Variants in SP1 observed in about 807,000 individuals in gnomAD.
SP1 encodes transcription factor Sp1.
SP1 carries 6 observed loss-of-function variants against 66.3 expected under a neutral mutation model. That is an observed-to-expected ratio of 0.09 (90% confidence interval 0.05 to 0.18). The LOEUF (loss-of-function observed/expected upper bound fraction) is 0.18, where lower values mean the gene tolerates loss of function less well. Ranked by LOEUF, SP1 falls within the 10% of genes least tolerant of loss-of-function variation. The probability of loss-of-function intolerance (pLI) is 1.00; values close to 1 mark genes in which losing one functional copy is unlikely to be tolerated. For missense variants in SP1, 848 were observed against 964.5 expected (o/e 0.88, Z 1.60); for synonymous variants, 417 against 360.8 (o/e 1.16, Z -1.77).
intron 3 of SP1, among the ~76,000 whole-genome samples, chr12:53,406,065 C>CTTTTTTTTTTTTTT (rs1170832065): frequency 2.4e-5 from 2 of 82,412 alleles, no homozygotes; most frequent in Non-Finnish European, 5.0e-5. Flanking sequence ...TATTTTCTTT[C>CTTTTTTTTTTTTTT]TTTTTTTTTT....
chr12:53,383,196 G>A lies in SP1; in HGVS notation c.1249G>A (p.Ala417Thr), dbSNP rs764962130. ...QGGQALQALQ[A>T]APLSGQTFTT... ...GGGACAGGCCCTCCAGGCCCTCCAA[G>A]CAGCACCATTGTCAGGGCAGACCTT... is the stretch of plus-strand genomic sequence containing the variant. Residue 417 changes from alanine (A) to threonine (T), a missense_variant, in exon 3 of 6, where the codon GCA becomes ACA. By Grantham distance (58) the Ala-to-Thr change is moderately conservative. This residue lies in a region of SP1 where 606 missense variants were observed against 589.9 expected (regional missense o/e 1.03). Coordinates refer to ENST00000327443, the MANE Select transcript of SP1 (RefSeq NM_138473.3). 4.3e-6 allele frequency: 7 copies of A among 1,614,096 alleles called. No homozygotes were observed. In the Admixed American group the frequency reaches 1.2e-4, roughly 27 times the overall value.
At chr12:53,402,891 G>A (rs1325838043) in intron 3 of SP1, among the ~76,000 whole-genome samples, 4 of 151,770 alleles carry the variant, frequency 2.6e-5, no homozygotes, top group African/African-American at 9.7e-5. Context: ...GAGAATCACT[G>A]GAACCTGGGA....
intron 3 of SP1, among the ~76,000 whole-genome samples, chr12:53,402,513 C>T (rs1184450519): frequency 2.0e-5 from 3 of 151,348 alleles, no homozygotes; most frequent in Non-Finnish European, 4.4e-5. Flanking sequence ...TGAGCCGTTG[C>T]GCCCGGCCTG....
intron 4 of SP1, among the ~76,000 whole-genome samples, chr12:53,408,179 G>A (rs1463159488): frequency 2.8e-5 from 4 of 142,622 alleles, no homozygotes; most frequent in Non-Finnish European, 6.1e-5. Context: ...TTGGGAGGTG[G>A]AGGTTGCAGT....
Position 53,380,254 on chromosome 12 carries a change from GGA to G in SP1, c.-37_-36del. On this transcript the variant is annotated 5_prime_UTR_variant, in exon 1 of 6. Transcript: ENST00000327443. Reference sequence around the variant, plus strand: ...TTTCCCGGCCCCCCCCAACCCCCCCGGACAGGACCCCCTTGAGCTTGTCCCTC... The same window carrying G: ...TTTCCCGGCCCCCCCCAACCCCCCCGCAGGACCCCCTTGAGCTTGTCCCTC... The G allele has an allele frequency of 6.0e-6, 3 of 499,168 alleles. No individual in the cohort carries two copies. The highest frequency in any genetic ancestry group is 1.1e-5 in the Non-Finnish European group (3 of 266,578). 30.9% of individuals were successfully genotyped at this position (499,168 alleles called of 1,614,324 possible). A position where few individuals can be genotyped will look rare whatever the true frequency, so the allele number is the denominator to read the frequency against.
chr12:53,382,167 C>T lies in SP1; in HGVS notation c.220C>T (p.Pro74Ser), dbSNP rs1456079816. The T allele has an allele frequency of 1.2e-6, 2 of 1,614,142 alleles. No individual in the cohort carries two copies. Among genetic ancestry groups the T allele is most frequent in the Non-Finnish European group, 1.7e-6 (2 of 1,180,030 alleles). ...AGCAACTTGCAGCAGAATTGAGTCA[C>T]CCAATGAGAACAGCAACAACTCCCA... ...LAATCSRIES[P>S]NENSNNSQGP... is the part of the protein sequence containing the mutation. Residue 74 changes from proline (P) to serine (S), a missense_variant, in exon 3 of 6, where the codon CCC becomes TCC. This residue lies in a region of SP1 where 2 missense variants were observed against 16.5 expected (regional missense o/e 0.12). Transcript: ENST00000327443.
Position 53,382,796 on chromosome 12 carries a change from A to T in SP1, c.849A>T (p.Ala283=), listed in dbSNP as rs768198006. ...SAATLTPSSQ[A]VTISSSGSQE... ...CTACCTTGACTCCCAGCTCTCAGGC[A>T]GTCACGATCAGCAGCTCTGGGTCCC... Residue 283 remains alanine (A), a synonymous_variant, in exon 3 of 6, where the codon GCA becomes GCT. Transcript: ENST00000327443. The T allele has an allele frequency of 6.2e-7, 1 of 1,614,184 alleles. No individual in the cohort carries two copies. The highest frequency in any genetic ancestry group is 8.5e-7 in the Non-Finnish European group (1 of 1,180,018).
intron 3 of SP1, among the ~76,000 whole-genome samples, chr12:53,393,593 T>A (rs1425797037): frequency 2.3e-5 from 2 of 87,884 alleles, no homozygotes. Flanking sequence ...TGCATTTTCC[T>A]TTTTTTTTTT....
At chr12:53,400,355 T>TA (rs1424198067) in intron 3 of SP1, among the ~76,000 whole-genome samples, 4 of 152,204 alleles carry the variant, frequency 2.6e-5, no homozygotes, top group African/African-American at 9.7e-5. Context: ...CTCTTTTTTT[T>TA]ATTGCCAAAT....
intron 3 of SP1, among the ~76,000 whole-genome samples, chr12:53,399,299 C>T (rs1486425009): frequency 1.3e-5 from 2 of 151,860 alleles, no homozygotes; most frequent in African/African-American, 4.8e-5. Context: ...CAGGTGTGCT[C>T]CACCATGCCC....
chr12:53,404,871 T>C (rs954399505), intron 3 of SP1, among the ~76,000 whole-genome samples: 1 of 152,116 alleles, frequency 6.6e-6, no homozygotes, highest in African/African-American at 2.4e-5. Flanking sequence ...AGTCTCGCTC[T>C]GTCGGCCAGG....
intron 3 of SP1, among the ~76,000 whole-genome samples, chr12:53,384,378 G>A (rs1193732923): frequency 1.3e-5 from 2 of 151,306 alleles, no homozygotes; most frequent in Non-Finnish European, 2.9e-5. Context: ...TCTGCCTCCC[G>A]GGTTCAAGCG....
At chr12:53,399,343 T>TTTTTG (rs200629388) in intron 3 of SP1, among the ~76,000 whole-genome samples, 26,451 of 126,818 alleles carry the variant, frequency 0.21, 2,378 homozygotes, top group African/African-American at 0.41. Flanking sequence ...TTTGTTTTTG[T>TTTTTG]TTTTTTTTGA....
rs1313572985 is a variant in SP1 at position 53,380,268 on chromosome 12, T to A, written c.-24T>A. ...CCAACCCCCCCGGACAGGACCCCCTTGAGCTTGTCCCTCAGCTGCCACCAT... is the reference window on the plus strand; with the variant it reads ...CCAACCCCCCCGGACAGGACCCCCTAGAGCTTGTCCCTCAGCTGCCACCAT... On this transcript the variant is annotated 5_prime_UTR_variant, in exon 1 of 6. Transcript: ENST00000327443. 1 of 879,632 alleles carries A rather than the reference T, an allele frequency of 1.1e-6. No individual in the cohort carries two copies. The allele number at this position is 879,632 out of a possible 1,614,324, so 54.5% of individuals were successfully genotyped here. A position where few individuals can be genotyped will look rare whatever the true frequency, so the allele number is the denominator to read the frequency against.
intron 4 of SP1, among the ~76,000 whole-genome samples, chr12:53,407,122 C>G (rs945477294): frequency 6.6e-6 from 1 of 151,406 alleles, no homozygotes; most frequent in East Asian, 1.9e-4. Context: ...CCATGCCCGG[C>G]AAAGGTTAAT....
rs748482557 is a variant in SP1 at position 53,383,252 on chromosome 12, C to G, written c.1305C>G (p.Leu435=). 2.5e-6 allele frequency: 4 copies of G among 1,614,234 alleles called. No individual in the cohort carries two copies. Among genetic ancestry groups the G allele is most frequent in the Non-Finnish European group, 3.4e-6 (4 of 1,180,040 alleles). The change falls in exon 3 of 6, where the codon CTC becomes CTG. Residue 435 remains leucine (L), a synonymous_variant. Transcript: ENST00000327443. ...FTTQAISQET[L]QNLQLQAVPN... ...CTCAAGCCATCTCCCAGGAAACCCT[C>G]CAGAACCTCCAGCTTCAGGCTGTTC...
At chr12:53,384,216 G>T (rs1938175938) in intron 3 of SP1, among the ~76,000 whole-genome samples, 1 of 151,804 alleles carries the variant, frequency 6.6e-6, no homozygotes, top group African/African-American at 2.4e-5. Context: ...TGATCCGCCC[G>T]CCTCGGCCTC....
At chr12:53,404,456 C>T (rs909615460) in intron 3 of SP1, among the ~76,000 whole-genome samples, 4 of 150,682 alleles carry the variant, frequency 2.7e-5, no homozygotes, top group Non-Finnish European at 5.9e-5. Context: ...GCAGGAAAAT[C>T]GCTTGAACCC....
rs1565821331 is a variant in SP1, at chr12:53,414,426, A to G, written c.*3186A>G. ...CTCTGTGGGTGCTACACAGAATGCA[A>G]TTTAATGGATATTTCTCAGCCTGGT... On this transcript the variant is annotated 3_prime_UTR_variant, in exon 6 of 6. Coordinates refer to ENST00000327443, the MANE Select transcript of SP1 (RefSeq NM_138473.3). 1 of 152,630 alleles carries G rather than the reference A, an allele frequency of 6.6e-6. No individual in the cohort carries two copies. Among genetic ancestry groups the G allele is most frequent in the Non-Finnish European group, 1.5e-5 (1 of 68,036 alleles). 9.5% of individuals were successfully genotyped at this position (152,630 alleles called of 1,614,324 possible).
Sources: gnomAD v4.1 joint callset for allele counts (sites outside exome capture counted in the v4.1 genomes callset) on GRCh38, gnomAD v4.1.1 for gene constraint, gnomAD v4.1.1 regional missense constraint, MANE v1.5 for transcripts, NCBI Gene and HGNC (gene_info 2026-07-23, HGNC 2026-07-21) for gene names.